Variants in ZDHHC6 observed in about 807,000 individuals in gnomAD.
ZDHHC6 encodes palmitoyltransferase ZDHHC6.
ZDHHC6 carries 32 observed loss-of-function variants against 57.8 expected under a neutral mutation model. The ratio of observed to expected loss-of-function variants is 0.55; its 90% confidence interval spans 0.42 to 0.74. The LOEUF (loss-of-function observed/expected upper bound fraction) is 0.74. Among genes scored for constraint, ZDHHC6 ranks in the 30% least tolerant of loss-of-function variants. The pLI, the probability that ZDHHC6 is intolerant of heterozygous loss-of-function variation, is 0.00. For missense variants in ZDHHC6, 433 were observed against 500.7 expected (o/e 0.86, Z 1.29); for synonymous variants, 128 against 158.0 (o/e 0.81, Z 1.42).
intron 8 of ZDHHC6, 111 bp from the exon 9 acceptor site, chr10:112,432,632 C>T: frequency 1.5e-6 from 2 of 1,356,670 alleles, no homozygotes; most frequent in Non-Finnish European, 2.0e-6. Flanking sequence ...GACAAGCCTT[C>T]TAGTTCCCCT....
chr10:112,441,280 T>C (rs1846095194), intron 4 of ZDHHC6, among the ~76,000 whole-genome samples: 1 of 152,252 alleles, frequency 6.6e-6, no homozygotes, highest in Non-Finnish European at 1.5e-5. Flanking sequence ...TTAACATACA[T>C]AAACAACACT....
chr10:112,427,960 C>A (rs1440953698), downstream of ZDHHC6: 1 of 153,826 alleles, frequency 6.5e-6, no homozygotes, highest in African/African-American at 2.4e-5. Context: ...TTTGATCATA[C>A]CAAACATTTC....
downstream of ZDHHC6, chr10:112,427,658 C>G: frequency 4.9e-6 from 1 of 203,544 alleles, no homozygotes; most frequent in Non-Finnish European, 9.8e-6. Context: ...GATTTCCAAC[C>G]TTAATACTAT....
In ZDHHC6 at chr10:112,442,193, C is replaced by T. The variant is rs370553283; in HGVS notation, c.518G>A (p.Arg173Gln). ...VMTMYTQLYH[R>Q]LSFGWNTVKI... ...CAAAACATTTTCATTTTCACTTACC[C>T]GATGATAAAGCTGTGTGTACATAGT... is the stretch of plus-strand genomic sequence containing the variant. Residue 173 changes from arginine (R) to glutamine (Q), a missense_variant and splice_region_variant, in exon 4 of 11, where the codon CGG becomes CAG. Arg to Gln is a conservative substitution (Grantham distance 43). Coordinates refer to ENST00000369405, the MANE Select transcript of ZDHHC6 (RefSeq NM_022494.3). 1.3e-4 allele frequency: 210 copies of T among 1,599,902 alleles called. No homozygotes were observed. The highest frequency in any genetic ancestry group is 4.2e-4 in the Admixed American group (24 of 56,476).
At chr10:112,427,093 A>G (rs1433282437), downstream of ZDHHC6, 1 of 1,008,504 alleles carries the variant, frequency 9.9e-7, no homozygotes, top group Non-Finnish European at 1.5e-6. Context: ...GGGAATGGGC[A>G]TGTGTTACTG....
chr10:112,427,231 T>A, downstream of ZDHHC6: 1 of 1,612,330 alleles, frequency 6.2e-7, no homozygotes, highest in South Asian at 1.1e-5. Flanking sequence ...AAAGCCATTT[T>A]TCTTCATCCA....
chr10:112,440,708 C>G lies in ZDHHC6; in HGVS notation c.520-13G>C, dbSNP rs769893422. On this transcript the variant is annotated splice_polypyrimidine_tract_variant and intron_variant, in intron 4 of 10. Coordinates refer to ENST00000369405, the MANE Select transcript of ZDHHC6 (RefSeq NM_022494.3). ...ACCCAAAGGAGAGCTATCGCAGCAA[C>G]AATAGCACACGCACAAAATGTTTGG... is the stretch of plus-strand genomic sequence containing the variant. The G allele has an allele frequency of 3.1e-6, 5 of 1,606,078 alleles. No individual in the cohort carries two copies. The South Asian group carries it at 4.5e-5, about 14-fold the overall frequency.
downstream of ZDHHC6, chr10:112,425,316 T>C (rs764015048): frequency 6.3e-7 from 1 of 1,586,918 alleles, no homozygotes; most frequent in Admixed American, 1.8e-5. Flanking sequence ...AAAATACTGA[T>C]ACTTTTATCT....
chr10:112,438,824 C>A (rs180789722), intron 5 of ZDHHC6, among the ~76,000 whole-genome samples: 1 of 152,170 alleles, frequency 6.6e-6, no homozygotes, highest in African/African-American at 2.4e-5. Flanking sequence ...TTCAGTCAAC[C>A]TCAATATTTC....
upstream of ZDHHC6, chr10:112,447,206 G>C (rs1846861111): frequency 1.6e-6 from 1 of 625,998 alleles, no homozygotes; most frequent in Non-Finnish European, 2.7e-6. Flanking sequence ...GGAGAACCGA[G>C]ATTGCGACGA....
In ZDHHC6 at chr10:112,430,606, G is replaced by A. The variant is rs908099839; in HGVS notation, c.*198C>T. ...AGGGGGAGGAAGAGGTGGTAAAGAG[G>A]GGCAGGAATTCAAAGGCATATGCAG... On this transcript the variant is annotated 3_prime_UTR_variant, in exon 11 of 11. Coordinates refer to ENST00000369405, the MANE Select transcript of ZDHHC6 (RefSeq NM_022494.3). 5 of 439,570 alleles carry A rather than the reference G, an allele frequency of 1.1e-5. No homozygotes were observed. The highest frequency in any genetic ancestry group is 2.0e-5 in the Non-Finnish European group (5 of 248,304). 27.2% of individuals were successfully genotyped at this position (439,570 alleles called of 1,614,324 possible). A position where few individuals can be genotyped will look rare whatever the true frequency, so the allele number is the denominator to read the frequency against.
Position 112,434,226 on chromosome 10 carries a change from T to C in ZDHHC6, c.903+71A>G, listed in dbSNP as rs533661996. ...TACTTATTTTACTACAAAATGTCAC[T>C]TGAGTTGAGGGGGAGTTAAGGGAAA... is the stretch of plus-strand genomic sequence containing the variant. On this transcript the variant is annotated intron_variant, in intron 7 of 10. Coordinates refer to ENST00000369405, the MANE Select transcript of ZDHHC6 (RefSeq NM_022494.3). 2.8e-6 allele frequency: 4 copies of C among 1,417,450 alleles called. No individual in the cohort carries two copies. The East Asian group carries it at 9.5e-5, about 34-fold the overall frequency. The allele number at this position is 1,417,450 out of a possible 1,614,324, so 87.8% of individuals were successfully genotyped here. A position where few individuals can be genotyped will look rare whatever the true frequency, so the allele number is the denominator to read the frequency against.
intron 9 of ZDHHC6, 44 bp downstream of exon 9, chr10:112,432,332 A>G: frequency 6.2e-7 from 1 of 1,609,238 alleles, no homozygotes. Context: ...GCTAGATATT[A>G]ATTTTGTCCT....
downstream of ZDHHC6, chr10:112,425,356 A>G (rs1467235799): frequency 8.7e-6 from 14 of 1,612,894 alleles, no homozygotes; most frequent in Non-Finnish European, 1.1e-5. Context: ...TCTGAAGATC[A>G]TCGACCGTAA....
At chr10:112,426,302 C>T, downstream of ZDHHC6, 1 of 1,614,094 alleles carries the variant, frequency 6.2e-7, no homozygotes. Context: ...ATGTACTTCC[C>T]TCATTTGCAG....
chr10:112,446,204 G>T lies in ZDHHC6; in HGVS notation c.-215+501C>A, dbSNP rs186465847. 2.2e-3 allele frequency among the ~76,000 whole-genome samples: 330 copies of T among 152,210 alleles called. 2 individuals are homozygous for T. Among genetic ancestry groups the T allele is most frequent in the Non-Finnish European group, 3.6e-3 (242 of 68,022 alleles). ...CCACCCCGCCACCCAAACATCAAGA[G>T]AACAGTCAATTTGGCCCAAAAGTAA... On this transcript the variant is annotated intron_variant, in intron 1 of 10. Coordinates refer to ENST00000369405, the MANE Select transcript of ZDHHC6 (RefSeq NM_022494.3).
At chr10:112,439,771 T>C (rs1235043564) in intron 5 of ZDHHC6, among the ~76,000 whole-genome samples, 1 of 151,588 alleles carries the variant, frequency 6.6e-6, no homozygotes, top group Non-Finnish European at 1.5e-5. Context: ...TATGGCCCTG[T>C]ATTAGTTAAC....
At chr10:112,441,330 C>G (rs779743190) in intron 4 of ZDHHC6, among the ~76,000 whole-genome samples, 2 of 152,196 alleles carry the variant, frequency 1.3e-5, no homozygotes, top group Non-Finnish European at 2.9e-5. Flanking sequence ...TTTCTCTTCT[C>G]TTGCTATTCT....
Position 112,445,560 on chromosome 10 carries a change from T to G in ZDHHC6, c.-124A>C. 1 of 1,140,230 alleles carries G rather than the reference T, an allele frequency of 8.8e-7. No homozygotes were observed. The highest frequency in any genetic ancestry group is 1.2e-6 in the Non-Finnish European group (1 of 821,574). 70.6% of individuals were successfully genotyped at this position (1,140,230 alleles called of 1,614,324 possible). A position where few individuals can be genotyped will look rare whatever the true frequency, so the allele number is the denominator to read the frequency against. ...ATTGTCATGCCTTCAAGCTGTGAAC[T>G]GTTAACGCAGATTACACCATTTTCA... On this transcript the variant is annotated 5_prime_UTR_variant, in exon 2 of 11. Transcript: ENST00000369405.
Sources: gnomAD v4.1 joint callset for allele counts (sites outside exome capture counted in the v4.1 genomes callset) on GRCh38, gnomAD v4.1.1 for gene constraint, MANE v1.5 for transcripts, NCBI Gene and HGNC (gene_info 2026-07-23, HGNC 2026-07-21) for gene names.